NKAIN2: variants seen among roughly 807,000 people sequenced by gnomAD.
NKAIN2 encodes sodium/potassium transporting ATPase interacting 2, also known as sodium/potassium-transporting ATPase subunit beta-1-interacting protein 2.
In NKAIN2, 14 loss-of-function variants were observed where a neutral mutation model predicts 32.6. The observed-to-expected ratio is 0.43, with a 90% CI of 0.28 to 0.67. The LOEUF is 0.67. NKAIN2 is among the 30% of genes least tolerant of loss of function. NKAIN2 has a pLI of 0.17. For missense variants in NKAIN2, 198 were observed against 258.3 expected (o/e 0.77, Z 1.60); for synonymous variants, 80 against 87.2 (o/e 0.92, Z 0.46).
In NKAIN2 at chr6:124,402,739, G is replaced by C. The variant is rs1459486115; in HGVS notation, c.273+47392G>C. On this transcript the variant is annotated intron_variant, in intron 3 of 6. Transcript: ENST00000368417. The stretch of plus-strand genomic sequence containing the variant: ...TACTGCATGTTCTCACTTATAAGTG[G>C]GAGCTAAATATTGAGTACCTATAGA... Among the ~76,000 whole-genome samples the C allele has an allele frequency of 2.0e-5, 3 of 152,132 alleles. No homozygotes were observed. The East Asian group carries it at 5.8e-4, about 29-fold the overall frequency.
chr6:124,568,982 G>T (rs2114912962), intron 3 of NKAIN2, among the ~76,000 whole-genome samples: 1 of 152,012 alleles, frequency 6.6e-6, no homozygotes, highest in Admixed American at 6.5e-5. Flanking sequence ...TCCCATTTTT[G>T]GCTTTATTCC....
chr6:124,407,118 A>G (rs1449960326), intron 3 of NKAIN2, among the ~76,000 whole-genome samples: 2 of 152,126 alleles, frequency 1.3e-5, no homozygotes, highest in Admixed American at 1.3e-4. Flanking sequence ...ACTCCAGGTC[A>G]CAAAAATTTT....
At position 124,726,187 on chromosome 6, in the gene NKAIN2, C is replaced by G. The variant is rs550490039; in HGVS notation, c.475-65152C>G. Reference sequence around the variant, plus strand: ...GGTAAACAAAGCAGCCAGAAAGCTCCAACTGGGCGGAGCCCACCACAGCTC... The same window carrying G: ...GGTAAACAAAGCAGCCAGAAAGCTCGAACTGGGCGGAGCCCACCACAGCTC... On this transcript the variant is annotated intron_variant, in intron 4 of 6. Transcript: ENST00000368417. Among the ~76,000 whole-genome samples, 33 of 152,318 alleles carry G rather than the reference C, an allele frequency of 2.2e-4. No homozygotes were observed. The South Asian group carries it at 6.4e-3, about 30-fold the overall frequency.
intron 3 of NKAIN2, among the ~76,000 whole-genome samples, chr6:124,575,135 C>T (rs1781280227): frequency 6.6e-6 from 1 of 152,132 alleles, no homozygotes; most frequent in African/African-American, 2.4e-5. Context: ...CTTTTGTAAG[C>T]TTTTTGTTTA....
intron 4 of NKAIN2, among the ~76,000 whole-genome samples, chr6:124,688,239 A>G (rs2114529549): frequency 6.6e-6 from 1 of 152,132 alleles, no homozygotes; most frequent in Non-Finnish European, 1.5e-5. Flanking sequence ...TATTTGTATC[A>G]TGTACTCTGT....
At chr6:123,873,470 T>A (rs763057802) in intron 1 of NKAIN2, among the ~76,000 whole-genome samples, 25 of 152,066 alleles carry the variant, frequency 1.6e-4, no homozygotes, top group South Asian at 4.1e-4. Context: ...GTTTTAAGAG[T>A]CATGGGAAGC....
chr6:124,074,172 A>T (rs755783050), intron 1 of NKAIN2, among the ~76,000 whole-genome samples: 4 of 152,180 alleles, frequency 2.6e-5, no homozygotes, highest in Non-Finnish European at 5.9e-5. Flanking sequence ...TGTGACAGGG[A>T]TGAAATGTTG....
chr6:123,842,748 G>C (rs1774926372), intron 1 of NKAIN2, among the ~76,000 whole-genome samples: 1 of 151,622 alleles, frequency 6.6e-6, no homozygotes, highest in Admixed American at 6.6e-5. Context: ...TTCTTGTTCT[G>C]AAACTAGGAA....
intron 3 of NKAIN2, among the ~76,000 whole-genome samples, chr6:124,494,439 A>G (rs1777990082): frequency 6.6e-6 from 1 of 152,134 alleles, no homozygotes; most frequent in East Asian, 1.9e-4. Flanking sequence ...AAAACATCTT[A>G]CACTGCATCT....
In NKAIN2 at chr6:124,815,225, C is replaced by CATATATACAT. The variant is rs1554268822; in HGVS notation, c.536-3155_536-3154insCATATATATA. Among the ~76,000 whole-genome samples the CATATATACAT allele has an allele frequency of 1.4e-3, 189 of 136,992 alleles. 1 individual carries two copies. Among genetic ancestry groups the CATATATACAT allele is most frequent in the Middle Eastern group, 7.6e-3 (2 of 264 alleles). 89.9% of individuals were successfully genotyped at this position (136,992 alleles called of 152,430 possible). On this transcript the variant is annotated intron_variant, in intron 5 of 6. Coordinates refer to ENST00000368417, the MANE Select transcript of NKAIN2 (RefSeq NM_001040214.3). ...TCCCCAGTCTTAAACTATATATATA[C>CATATATACAT]ATATATATATATATATGTATATATG... is the stretch of plus-strand genomic sequence containing the variant.
intron 1 of NKAIN2, among the ~76,000 whole-genome samples, chr6:124,231,965 T>G (rs1250145479): frequency 3.9e-5 from 6 of 152,154 alleles, no homozygotes; most frequent in Admixed American, 2.6e-4. Context: ...CTTCTCTATC[T>G]TCTTCTTTTA....
chr6:123,979,424 G>T (rs1334069664), intron 1 of NKAIN2, among the ~76,000 whole-genome samples: 1 of 152,062 alleles, frequency 6.6e-6, no homozygotes, highest in Non-Finnish European at 1.5e-5. Flanking sequence ...TTCAGGACTG[G>T]TTCTAAGAGT....
Position 124,339,381 on chromosome 6 carries a change from A to G in NKAIN2, c.193-15886A>G, listed in dbSNP as rs369781960. Among the ~76,000 whole-genome samples the G allele has an allele frequency of 9.9e-5, 15 of 152,142 alleles. No homozygotes were observed. In the South Asian group the frequency reaches 2.7e-3, roughly 27 times the overall value. On this transcript the variant is annotated intron_variant, in intron 2 of 6. Coordinates refer to ENST00000368417, the MANE Select transcript of NKAIN2 (RefSeq NM_001040214.3). ...AACAACAACAACAAAAACTGCAGAA[A>G]TTTATTCTTCTGGAGTCCACAAGTT...
chr6:124,181,037 C>A (rs80019503), intron 1 of NKAIN2, among the ~76,000 whole-genome samples: 3,471 of 152,324 alleles, frequency 0.023, 117 homozygotes, highest in African/African-American at 0.08. Flanking sequence ...ACACCTCAGC[C>A]TGGACATCCA....
At chr6:124,317,803 T>C (rs1797025004) in intron 2 of NKAIN2, among the ~76,000 whole-genome samples, 1 of 152,122 alleles carries the variant, frequency 6.6e-6, no homozygotes, top group Non-Finnish European at 1.5e-5. Flanking sequence ...AAACTTTTAG[T>C]TGAAGAATTT....
chr6:124,590,157 A>G (rs1781857979), intron 3 of NKAIN2, among the ~76,000 whole-genome samples: 1 of 152,162 alleles, frequency 6.6e-6, no homozygotes, highest in Admixed American at 6.6e-5. Flanking sequence ...ATGTTAAATA[A>G]TGCTGAATAA....
At chr6:124,265,200 GCTTT>G (rs1262660588) in intron 1 of NKAIN2, among the ~76,000 whole-genome samples, 1 of 151,572 alleles carries the variant, frequency 6.6e-6, no homozygotes, top group African/African-American at 2.4e-5. Context: ...AAAGATACAT[GCTTT>G]CTTTATGTTA....
At chr6:124,286,937 CT>C (rs1262416063) in intron 2 of NKAIN2, among the ~76,000 whole-genome samples, 1 of 152,136 alleles carries the variant, frequency 6.6e-6, no homozygotes, top group Admixed American at 6.6e-5. Context: ...CCACCTTGGC[CT>C]CCCAAAGTGC....
intron 1 of NKAIN2, among the ~76,000 whole-genome samples, chr6:123,901,437 T>C (rs1774582142): frequency 6.6e-6 from 1 of 152,184 alleles, no homozygotes; most frequent in Non-Finnish European, 1.5e-5. Context: ...TTTTGAAATA[T>C]TTCATAAATT....
Sources: allele counts gnomAD v4.1 joint callset (sites outside exome capture counted in the v4.1 genomes callset), GRCh38; gene constraint gnomAD v4.1.1; transcripts MANE v1.5; gene names NCBI Gene and HGNC (gene_info 2026-07-23, HGNC 2026-07-21).